The following ESR1 variants were observed in gnomAD, a reference collection of about 807,000 sequenced individuals.
The protein encoded by ESR1 is estrogen receptor 1.
ESR1 carries 12 observed loss-of-function variants against 52.7 expected under a neutral mutation model. The observed-to-expected ratio is 0.23, with a 90% CI of 0.15 to 0.37. The LOEUF (loss-of-function observed/expected upper bound fraction) is 0.37. Ranked by LOEUF, ESR1 falls within the 10% of genes least tolerant of loss-of-function variation. ESR1 has a pLI of 1.00. For synonymous variants in ESR1, 305 were observed against 316.8 expected (o/e 0.96, Z 0.39); for missense variants, 584 against 779.7 (o/e 0.75, Z 2.99).
chr6:152,011,049 A>C (rs147343223), intron 4 of ESR1, among the ~76,000 whole-genome samples: 42 of 152,270 alleles, frequency 2.8e-4, no homozygotes, highest in Non-Finnish European at 5.0e-4. Flanking sequence ...TTAGAAAACA[A>C]GAACACATTT....
intron 3 of ESR1, among the ~76,000 whole-genome samples, chr6:151,927,946 A>T (rs575332907): frequency 2.6e-5 from 4 of 151,124 alleles, no homozygotes; most frequent in Admixed American, 6.6e-5. Flanking sequence ...TTGGTCTTGA[A>T]CTCCTGGCCT....
chr6:152,066,796 GA>G (rs1264724387), intron 6 of ESR1, among the ~76,000 whole-genome samples: 3 of 152,164 alleles, frequency 2.0e-5, no homozygotes, highest in African/African-American at 7.2e-5. Flanking sequence ...CTGAATTCAG[GA>G]GAAGCAACTC....
chr6:151,999,040 T>A (rs918454216), intron 4 of ESR1, among the ~76,000 whole-genome samples: 6 of 152,206 alleles, frequency 3.9e-5, no homozygotes, highest in Middle Eastern at 3.4e-3. Context: ...TCTGAGTTGC[T>A]GTCCTGGTTC....
rs183039460 is a variant in ESR1, at chr6:152,058,521, C to G, written c.1236-2470C>G. Among the ~76,000 whole-genome samples, 536 of 152,268 alleles carry G rather than the reference C, an allele frequency of 3.5e-3. 4 individuals carry two copies. Among genetic ancestry groups the G allele is most frequent in the Non-Finnish European group, 2.4e-3 (160 of 68,008 alleles). On this transcript the variant is annotated intron_variant, in intron 5 of 7. Transcript: ENST00000206249. ...GGTGATCCTTACTGTGTGCCACACT[C>G]CATTCTAAGCACTTTACATAAAAAA... is the stretch of plus-strand genomic sequence containing the variant.
chr6:151,758,922 A>C (rs1463204103), intron 2 of ESR1, among the ~76,000 whole-genome samples: 3 of 152,066 alleles, frequency 2.0e-5, no homozygotes, highest in Non-Finnish European at 4.4e-5. Flanking sequence ...TAAAATAAAA[A>C]TTACTAGCAA....
intron 1 of ESR1, among the ~76,000 whole-genome samples, chr6:151,657,304 T>C (rs712219): frequency 0.7 from 105,691 of 152,020 alleles, 37,978 homozygotes; most frequent in African/African-American, 0.88. Flanking sequence ...TTAAACTAGA[T>C]AACTTTTATG....
intron 2 of ESR1, among the ~76,000 whole-genome samples, chr6:151,850,361 AG>A (rs1786422575): frequency 6.6e-6 from 1 of 150,536 alleles, no homozygotes; most frequent in Non-Finnish European, 1.5e-5. Flanking sequence ...ACAAACACAG[AG>A]AAGAGAATGT....
intron 3 of ESR1, among the ~76,000 whole-genome samples, 190 bp downstream of exon 3, chr6:151,880,961 G>A (rs1001757196): frequency 6.6e-6 from 1 of 152,060 alleles, no homozygotes; most frequent in Non-Finnish European, 1.5e-5. Context: ...GGAAGTGTCT[G>A]GAACTGGAAA....
At chr6:151,688,778 G>A (rs1304995912), upstream of ESR1, among the ~76,000 whole-genome samples, 1 of 152,092 alleles carries the variant, frequency 6.6e-6, no homozygotes, top group Non-Finnish European at 1.5e-5. Flanking sequence ...ATTATTTAAA[G>A]TATACAGGAG....
In ESR1 at chr6:151,956,841, TAAATATATATATATATATATAA is replaced by T. The variant is rs1381752895; in HGVS notation, c.1096+12335_1096+12356del. 1.9e-3 allele frequency among the ~76,000 whole-genome samples: 49 copies of T among 25,588 alleles called. 1 individual carries two copies. The highest frequency in any genetic ancestry group is 3.4e-3 in the African/African-American group (48 of 14,080). 16.8% of individuals were successfully genotyped at this position (25,588 alleles called of 152,430 possible). On this transcript the variant is annotated intron_variant, in intron 4 of 7. Transcript: ENST00000206249. ...ATATAAAAATATATATAAATATAAATAAATATATATATATATATATAAATATATATATATATATAAAATTTTT... is the reference window on the plus strand; with the variant it reads ...ATATAAAAATATATATAAATATAAATATATATATATATATATAAAATTTTT...
chr6:151,854,512 T>C (rs566823510), intron 2 of ESR1, among the ~76,000 whole-genome samples: 2 of 152,232 alleles, frequency 1.3e-5, no homozygotes, highest in African/African-American at 2.4e-5. Flanking sequence ...ATTATTAAAT[T>C]ACAATTTATT....
At chr6:151,718,236 A>G (rs1055233964) in intron 2 of ESR1, among the ~76,000 whole-genome samples, 3 of 152,254 alleles carry the variant, frequency 2.0e-5, no homozygotes, top group Admixed American at 2.0e-4. Flanking sequence ...ATGAATTAGT[A>G]ATAAGAAATT....
intron 4 of ESR1, among the ~76,000 whole-genome samples, chr6:151,959,227 G>A (rs1322314993): frequency 6.6e-6 from 1 of 152,182 alleles, no homozygotes; most frequent in Non-Finnish European, 1.5e-5. Context: ...CTTCTCAGGT[G>A]TAGAGGTTGG....
intron 3 of ESR1, among the ~76,000 whole-genome samples, chr6:151,888,167 T>C (rs1443157344): frequency 6.6e-6 from 1 of 152,076 alleles, no homozygotes; most frequent in Non-Finnish European, 1.5e-5. Flanking sequence ...TGTGGTTCCA[T>C]ACAAATTTTT....
At chr6:151,788,980 A>C (rs1787273452) in intron 2 of ESR1, among the ~76,000 whole-genome samples, 1 of 152,214 alleles carries the variant, frequency 6.6e-6, no homozygotes, top group Non-Finnish European at 1.5e-5. Flanking sequence ...GAGGGAGAGG[A>C]TCAGGAAAAA....
At chr6:151,962,235 C>T (rs2037749585) in intron 4 of ESR1, among the ~76,000 whole-genome samples, 1 of 152,124 alleles carries the variant, frequency 6.6e-6, no homozygotes, top group Admixed American at 6.5e-5. Flanking sequence ...GTTTGGAGTC[C>T]TGCCAGAGAC....
At chr6:151,763,784 T>C (rs1784835045) in intron 2 of ESR1, among the ~76,000 whole-genome samples, 1 of 152,060 alleles carries the variant, frequency 6.6e-6, no homozygotes, top group Non-Finnish European at 1.5e-5. Flanking sequence ...ATGACAGAAA[T>C]ACAAGAATGA....
intron 5 of ESR1, among the ~76,000 whole-genome samples, chr6:152,050,444 A>G (rs1260335390): frequency 3.9e-5 from 6 of 152,140 alleles, no homozygotes; most frequent in Non-Finnish European, 8.8e-5. Context: ...TCCTCTGGCC[A>G]TATTTTAAAA....
In ESR1 at chr6:151,815,882, C is replaced by T. The variant is rs958193293; in HGVS notation, c.452+7518C>T. ...CAAGTGTCCCTCTTGCTATCTACTTCGTGTTATGATTTTTGCATTTTCATA... is the reference window on the plus strand; with the variant it reads ...CAAGTGTCCCTCTTGCTATCTACTTTGTGTTATGATTTTTGCATTTTCATA... On this transcript the variant is annotated intron_variant, in intron 1 of 7. Coordinates refer to ENST00000206249, the MANE Select transcript of ESR1 (RefSeq NM_000125.4). Among the ~76,000 whole-genome samples the T allele has an allele frequency of 5.3e-5, 8 of 152,236 alleles. 1 individual carries two copies. The highest frequency in any genetic ancestry group is 3.9e-4 in the East Asian group (2 of 5,174).
Sources: allele counts gnomAD v4.1 joint callset (sites outside exome capture counted in the v4.1 genomes callset), GRCh38; gene constraint gnomAD v4.1.1; transcripts MANE v1.5; gene names NCBI Gene and HGNC (gene_info 2026-07-23, HGNC 2026-07-21).